Variants in VWC2L observed in about 807,000 individuals in gnomAD.
The protein encoded by VWC2L is von Willebrand factor C domain-containing protein 2-like.
A neutral mutation model predicts 21.6 loss-of-function variants in VWC2L; 10 were observed. That is an observed-to-expected ratio of 0.46 (90% CI 0.29 to 0.78). The LOEUF is 0.78. VWC2L is among the 30% of genes least tolerant of loss of function. The pLI is 0.10. For missense variants in VWC2L, 209 were observed against 277.1 expected (o/e 0.75, Z 1.74); for synonymous variants, 96 against 94.3 (o/e 1.02, Z -0.10).
rs1415534542 is a variant in VWC2L, at chr2:214,489,178, T to C, written c.520+52420T>C. Among the ~76,000 whole-genome samples, 3 of 152,320 alleles carry C rather than the reference T, an allele frequency of 2.0e-5. No individual in the cohort carries two copies. In the East Asian group the frequency reaches 5.8e-4, roughly 29 times the overall value. ...CAGCCTTGTCCATAGTAGCTGGCCA[T>C]AGTCATATCAGCTAGTGCTCAAAGA... On this transcript the variant is annotated intron_variant, in intron 3 of 3. Transcript: ENST00000312504.
intron 3 of VWC2L, among the ~76,000 whole-genome samples, chr2:214,470,210 T>G (rs1353572122): frequency 6.8e-6 from 1 of 148,132 alleles, no homozygotes; most frequent in Non-Finnish European, 1.5e-5. Flanking sequence ...TTTTGATAAA[T>G]GCTTTTTTTT....
intron 3 of VWC2L, among the ~76,000 whole-genome samples, chr2:214,528,928 C>T (rs191806187): frequency 6.6e-6 from 1 of 152,334 alleles, no homozygotes; most frequent in East Asian, 1.9e-4. Context: ...TCCTATTTCA[C>T]TTCCACTATA....
At chr2:214,435,230 C>G (rs1702661425) in intron 2 of VWC2L, among the ~76,000 whole-genome samples, 1 of 152,102 alleles carries the variant, frequency 6.6e-6, no homozygotes, top group African/African-American at 2.4e-5. Flanking sequence ...AGCAGAAAAG[C>G]ATCAGAAAAA....
chr2:214,450,140 C>G (rs570744546), intron 3 of VWC2L, among the ~76,000 whole-genome samples: 36 of 152,192 alleles, frequency 2.4e-4, no homozygotes, highest in African/African-American at 8.4e-4. Context: ...GACTCCTTTG[C>G]GAATGGGGAA....
intron 3 of VWC2L, among the ~76,000 whole-genome samples, chr2:214,532,099 T>C (rs916833049): frequency 4.6e-5 from 7 of 152,094 alleles, no homozygotes; most frequent in Admixed American, 3.3e-4. Context: ...AAGGTAACCA[T>C]AGAGATAGGA....
At chr2:214,574,492 A>T (rs905494029) in intron 3 of VWC2L, among the ~76,000 whole-genome samples, 2 of 152,212 alleles carry the variant, frequency 1.3e-5, no homozygotes, top group South Asian at 2.1e-4. Flanking sequence ...CCCAGATTTC[A>T]TTTATTTGAT....
At chr2:214,504,902 G>A (rs1212761815) in intron 3 of VWC2L, among the ~76,000 whole-genome samples, 1 of 152,176 alleles carries the variant, frequency 6.6e-6, no homozygotes, top group African/African-American at 2.4e-5. Context: ...ATTTTGAGCT[G>A]TGAATTTCCA....
chr2:214,465,377 C>A (rs774368790), intron 3 of VWC2L, among the ~76,000 whole-genome samples: 1 of 152,130 alleles, frequency 6.6e-6, no homozygotes, highest in Non-Finnish European at 1.5e-5. Flanking sequence ...TGGGTCCTTC[C>A]CTTCAAGGGA....
chr2:214,478,515 CT>C (rs374077441), intron 3 of VWC2L, among the ~76,000 whole-genome samples: 58 of 152,088 alleles, frequency 3.8e-4, no homozygotes, highest in African/African-American at 1.3e-3. Context: ...AAAAGACTGG[CT>C]GCTGATTTTG....
At chr2:214,517,483 C>CATCTCT (rs1689163535) in intron 3 of VWC2L, among the ~76,000 whole-genome samples, 1 of 152,162 alleles carries the variant, frequency 6.6e-6, no homozygotes, top group Non-Finnish European at 1.5e-5. Context: ...AGTAAATTAA[C>CATCTCT]ATCTCTAGGC....
chr2:214,534,185 G>A (rs560724259), intron 3 of VWC2L: 1 of 152,646 alleles, frequency 6.6e-6, no homozygotes, highest in Admixed American at 6.5e-5. Flanking sequence ...AGCCAAGATG[G>A]TAAAATAGAG....
At chr2:214,429,301 A>T in intron 2 of VWC2L, among the ~76,000 whole-genome samples, 1 of 152,224 alleles carries the variant, frequency 6.6e-6, no homozygotes, top group Admixed American at 6.5e-5. Context: ...TTTGTCAAGA[A>T]TGTTTTTTAT....
chr2:214,480,133 A>T (rs1305515571), intron 3 of VWC2L, among the ~76,000 whole-genome samples: 1 of 152,208 alleles, frequency 6.6e-6, no homozygotes, highest in Non-Finnish European at 1.5e-5. Flanking sequence ...ATACCATTTC[A>T]CATAAGCACT....
chr2:214,448,720 A>C (rs1367629664), intron 3 of VWC2L, among the ~76,000 whole-genome samples: 1 of 152,166 alleles, frequency 6.6e-6, no homozygotes, highest in Admixed American at 6.6e-5. Context: ...TGATTTATCA[A>C]ATTCTAAAGA....
chr2:214,569,706 T>A (rs187054547), intron 3 of VWC2L, among the ~76,000 whole-genome samples: 4 of 152,214 alleles, frequency 2.6e-5, no homozygotes, highest in Admixed American at 2.6e-4. Context: ...CTACAGCCAC[T>A]CAATGGCTCC....
rs1574551625 is a variant in VWC2L at position 214,414,261 on chromosome 2, C to T, written c.68C>T (p.Ala23Val). Residue 23 changes from alanine (A) to valine (V), a missense_variant, in exon 2 of 4, where the codon GCT becomes GTT. Coordinates refer to ENST00000312504, the MANE Select transcript of VWC2L (RefSeq NM_001080500.4). ...ATCCCTGGATTGGTCACCTCTGCTGCTATCAGTCATGAAGACTATCCTGCT... is the reference window on the plus strand; with the variant it reads ...ATCCCTGGATTGGTCACCTCTGCTGTTATCAGTCATGAAGACTATCCTGCT... ...LVIPGLVTSA[A>V]ISHEDYPADE... The T allele has an allele frequency of 1.5e-5, 25 of 1,613,846 alleles. No individual in the cohort carries two copies. In the East Asian group the frequency reaches 5.6e-4, roughly 36 times the overall value.
intron 3 of VWC2L, among the ~76,000 whole-genome samples, chr2:214,540,715 A>C (rs554960073): frequency 1.3e-5 from 2 of 152,296 alleles, no homozygotes; most frequent in East Asian, 3.9e-4. Context: ...TTCTCTGAGA[A>C]ATGTGTGGTA....
intron 3 of VWC2L, among the ~76,000 whole-genome samples, chr2:214,574,001 G>T (rs1244091131): frequency 2.0e-5 from 3 of 152,154 alleles, no homozygotes; most frequent in Admixed American, 2.0e-4. Context: ...AATTAGCCAG[G>T]TGTGATGGCG....
intron 3 of VWC2L, among the ~76,000 whole-genome samples, chr2:214,464,084 G>A (rs1419747721): frequency 6.6e-6 from 1 of 152,068 alleles, no homozygotes; most frequent in African/African-American, 2.4e-5. Flanking sequence ...CAAGCATCCT[G>A]AAATCAGCTC....
Sources: allele counts gnomAD v4.1 joint callset (sites outside exome capture counted in the v4.1 genomes callset), GRCh38; gene constraint gnomAD v4.1.1; transcripts MANE v1.5; gene names NCBI Gene and HGNC (gene_info 2026-07-23, HGNC 2026-07-21).